The following TARS3 variants were observed in gnomAD, a reference collection of about 807,000 sequenced individuals.
TARS3 encodes the protein threonyl-tRNA synthetase 3.
TARS3 carries 94 observed loss-of-function variants against 103.5 expected under a neutral mutation model. The ratio of observed to expected loss-of-function variants is 0.91; its 90% CI spans 0.77 to 1.08. The LOEUF is 1.08. Among genes scored for constraint, TARS3 ranks in the 50% least tolerant of loss-of-function variants. The probability of loss-of-function intolerance (pLI) is 0.00; values close to 1 mark genes in which losing one functional copy is unlikely to be tolerated. For missense variants in TARS3, 952 were observed against 995.2 expected, an observed-to-expected ratio of 0.96 and a Z score of 0.58; for synonymous variants, 416 against 355.4, an observed-to-expected ratio of 1.17 and a Z score of -1.92.
chr15:101,694,937 T>G (rs1898895481), intron 10 of TARS3, among the ~76,000 whole-genome samples: 1 of 152,074 alleles, frequency 6.6e-6, no homozygotes, highest in Admixed American at 6.5e-5. Flanking sequence ...AGAGATTAAG[T>G]GTAGGATGAT....
At chr15:101,674,293 G>T (rs1374829603) in intron 13 of TARS3, among the ~76,000 whole-genome samples, 1 of 152,110 alleles carries the variant, frequency 6.6e-6, no homozygotes, top group Non-Finnish European at 1.5e-5. Context: ...TAGCAATCTG[G>T]ATATGCCAGA....
At chr15:101,672,992 C>G (rs1417006752) in intron 13 of TARS3, among the ~76,000 whole-genome samples, 3 of 152,172 alleles carry the variant, frequency 2.0e-5, no homozygotes, top group Non-Finnish European at 4.4e-5. Flanking sequence ...CTCCTCGGGC[C>G]TTGGAGGACA....
At chr15:101,657,158 G>A (rs542085185) in intron 17 of TARS3, 122 bp from the exon 18 acceptor site, 14 of 611,226 alleles carry the variant, frequency 2.3e-5, no homozygotes, top group African/African-American at 9.3e-5. Context: ...ATACCAGAGC[G>A]GGTCTGCGTG....
intron 12 of TARS3, among the ~76,000 whole-genome samples, chr15:101,675,975 C>G (rs1898008434): frequency 6.6e-6 from 1 of 152,162 alleles, no homozygotes; most frequent in Non-Finnish European, 1.5e-5. Context: ...GCGCCGCGCA[C>G]AGGAGAGCGG....
At position 101,724,350 on chromosome 15, in the gene TARS3, G is replaced by A. The variant is rs1284836330; in HGVS notation, c.38C>T (p.Ser13Leu). 6.4e-7 allele frequency: 1 copy of A among 1,550,984 alleles called. No homozygotes were observed. Among genetic ancestry groups the A allele is most frequent in the Non-Finnish European group, 8.7e-7 (1 of 1,155,364 alleles). ...AEALAAEAVA[S>L]RLERQEEDIR... Reference sequence around the variant, plus strand: ...GTCCTCCTCCTGCCGCTCCAGGCGCGACGCCACGGCCTCCGCCGCCAGGGC... The same window carrying A: ...GTCCTCCTCCTGCCGCTCCAGGCGCAACGCCACGGCCTCCGCCGCCAGGGC... The change falls in exon 1 of 19, where the codon TCG becomes TTG. Residue 13 changes from serine (S) to leucine (L), a missense_variant. By Grantham distance (145) the Ser-to-Leu change is moderately radical (BLOSUM62 -2). Transcript: ENST00000335968.
At chr15:101,700,212 TC>T (rs1168710403) in intron 10 of TARS3, among the ~76,000 whole-genome samples, 3 of 152,206 alleles carry the variant, frequency 2.0e-5, no homozygotes, top group Non-Finnish European at 4.4e-5. Flanking sequence ...GGAAATGTAA[TC>T]CCAGTAGTCC....
intron 3 of TARS3, among the ~76,000 whole-genome samples, chr15:101,716,442 TA>T (rs951863933): frequency 1.3e-5 from 2 of 152,074 alleles, no homozygotes; most frequent in East Asian, 1.9e-4. Context: ...TATATAGGAA[TA>T]AAAAATATTT....
At chr15:101,677,890 C>A (rs900427426) in intron 12 of TARS3, among the ~76,000 whole-genome samples, 3 of 152,182 alleles carry the variant, frequency 2.0e-5, no homozygotes, top group African/African-American at 7.2e-5. Flanking sequence ...CCTCAGCCTC[C>A]CAAAGTGCTG....
chr15:101,709,225 C>T (rs747522630), intron 5 of TARS3, among the ~76,000 whole-genome samples: 5 of 152,214 alleles, frequency 3.3e-5, no homozygotes, highest in Non-Finnish European at 5.9e-5. Context: ...CCTTCACATG[C>T]TTTAGTTTTG....
chr15:101,712,413 C>A (rs997627163), intron 4 of TARS3, among the ~76,000 whole-genome samples: 4 of 152,150 alleles, frequency 2.6e-5, no homozygotes, highest in African/African-American at 7.2e-5. Context: ...CCAGGGGCAC[C>A]CTCTCTGAGC....
Position 101,719,217 on chromosome 15 carries a change from T to C in TARS3, c.566+1909A>G, listed in dbSNP as rs200105247. 1.4e-3 allele frequency among the ~76,000 whole-genome samples: 207 copies of C among 147,834 alleles called. 3 individuals carry two copies. The highest frequency in any genetic ancestry group is 5.0e-3 in the African/African-American group (186 of 37,304). On this transcript the variant is annotated intron_variant, in intron 3 of 18. Transcript: ENST00000335968. Reference sequence around the variant, plus strand: ...CACTCCCTGCTATATTTCTCCTCCTTCTTTTTTCCAAGCACACACTTTGTG... The same window carrying C: ...CACTCCCTGCTATATTTCTCCTCCTCCTTTTTTCCAAGCACACACTTTGTG...
intron 2 of TARS3, among the ~76,000 whole-genome samples, chr15:101,722,757 T>C (rs1900549696): frequency 6.6e-6 from 1 of 150,836 alleles, no homozygotes; most frequent in South Asian, 2.1e-4. Flanking sequence ...AGGTGGAGGC[T>C]GCAGTAACCG....
intron 15 of TARS3, among the ~76,000 whole-genome samples, chr15:101,662,415 T>G (rs1897417564): frequency 6.6e-6 from 1 of 152,232 alleles, no homozygotes; most frequent in Admixed American, 6.5e-5. Context: ...AAAGTTCTTT[T>G]GATAAATTTT....
chr15:101,668,486 T>C (rs1897668859), intron 15 of TARS3, among the ~76,000 whole-genome samples: 1 of 152,074 alleles, frequency 6.6e-6, no homozygotes, highest in Admixed American at 6.5e-5. Context: ...CTAATCACCA[T>C]AACAGATAGA....
At chr15:101,682,445 A>G (rs766500120) in intron 12 of TARS3, among the ~76,000 whole-genome samples, 7 of 152,084 alleles carry the variant, frequency 4.6e-5, no homozygotes, top group Non-Finnish European at 7.4e-5. Context: ...GGGAATTACA[A>G]TGATTCATTT....
intron 3 of TARS3, among the ~76,000 whole-genome samples, chr15:101,717,161 A>G (rs1303127259): frequency 6.6e-6 from 1 of 152,150 alleles, no homozygotes; most frequent in Non-Finnish European, 1.5e-5. Flanking sequence ...CCAGCCTACA[A>G]TGTAATCTTT....
chr15:101,699,650 T>G (rs533386771), intron 10 of TARS3, among the ~76,000 whole-genome samples: 19 of 152,294 alleles, frequency 1.2e-4, no homozygotes, highest in African/African-American at 4.1e-4. Flanking sequence ...TCTCTTCCAC[T>G]GCCCTCTGAT....
chr15:101,654,252 T>C lies in TARS3; in HGVS notation c.*330A>G, dbSNP rs1897117053. The C allele has an allele frequency of 4.8e-6, 1 of 209,128 alleles. No homozygotes were observed. The highest frequency in any genetic ancestry group is 1.6e-3 in the Middle Eastern group (1 of 612). 13.0% of individuals were successfully genotyped at this position (209,128 alleles called of 1,614,324 possible). A position where few individuals can be genotyped will look rare whatever the true frequency, so the allele number is the denominator to read the frequency against. Reference sequence around the variant, plus strand: ...TAAAAAAAACTCTGCAGACTTTTATTTGAAGCCCATCTTTTGAAAATCACT... The same window carrying C: ...TAAAAAAAACTCTGCAGACTTTTATCTGAAGCCCATCTTTTGAAAATCACT... On this transcript the variant is annotated 3_prime_UTR_variant, in exon 19 of 19. Transcript: ENST00000335968.
At chr15:101,665,395 T>C (rs1178216483) in intron 15 of TARS3, among the ~76,000 whole-genome samples, 1 of 152,134 alleles carries the variant, frequency 6.6e-6, no homozygotes, top group Non-Finnish European at 1.5e-5. Flanking sequence ...TGCAAGAAAA[T>C]AAATTATATA....
Sources: gnomAD v4.1 joint callset for allele counts (sites outside exome capture counted in the v4.1 genomes callset) on GRCh38, gnomAD v4.1.1 for gene constraint, MANE v1.5 for transcripts, NCBI Gene and HGNC (gene_info 2026-07-23, HGNC 2026-07-21) for gene names.